The following MROH9 variants were observed in gnomAD, a reference collection of about 807,000 sequenced individuals.
The protein encoded by MROH9 is maestro heat-like repeat-containing protein family member 9.
Under a neutral mutation model 98.2 loss-of-function variants are expected in MROH9, and 92 were observed. That is an observed-to-expected ratio of 0.94 (90% CI 0.79 to 1.11). The LOEUF (loss-of-function observed/expected upper bound fraction) is 1.11, where lower values mean the gene tolerates loss of function less well. Among genes scored for constraint, MROH9 ranks in the 50% most tolerant of loss-of-function variants. MROH9 has a pLI of 0.00. For synonymous variants in MROH9, 397 were observed against 368.9 expected (o/e 1.08, Z -0.87); for missense variants, 1,057 against 1,014.8 (o/e 1.04, Z -0.57).
chr1:170,978,928 G>GT (rs1300355769), intron 8 of MROH9, among the ~76,000 whole-genome samples: 1 of 152,168 alleles, frequency 6.6e-6, no homozygotes. Context: ...TCCCAGGGAG[G>GT]TCTGTCCCAG....
In MROH9 at chr1:170,989,988, C is replaced by G; in HGVS notation, c.1013C>G (p.Pro338Arg). ...KKVIFQLMDY[P>R]VPADDTLIQM... ...GTCATCTTTCAACTTATGGACTACCCAGTTCCAGCAGACGAGTAAGGCCCC... is the reference window on the plus strand; with the variant it reads ...GTCATCTTTCAACTTATGGACTACCGAGTTCCAGCAGACGAGTAAGGCCCC... The change falls in exon 11 of 22, where the codon CCA becomes CGA. Residue 338 changes from proline to arginine, a missense_variant. Transcript: ENST00000367759. The G allele has an allele frequency of 6.2e-7, 1 of 1,611,368 alleles. No homozygotes were observed. The highest frequency in any genetic ancestry group is 8.5e-7 in the Non-Finnish European group (1 of 1,178,208).
intron 8 of MROH9, among the ~76,000 whole-genome samples, chr1:170,981,104 A>G (rs1650912872): frequency 6.6e-6 from 1 of 152,208 alleles, no homozygotes; most frequent in African/African-American, 2.4e-5. Context: ...GATTATTCAA[A>G]AATCAGGAAA....
intron 1 of MROH9, among the ~76,000 whole-genome samples, chr1:170,943,748 G>A (rs1040526139): frequency 7.9e-5 from 12 of 151,828 alleles, no homozygotes; most frequent in African/African-American, 2.4e-4. Context: ...TTATAGCTCA[G>A]GAGTATTATA....
At chr1:171,020,262 T>G (rs1319009410) in intron 17 of MROH9, among the ~76,000 whole-genome samples, 1 of 152,208 alleles carries the variant, frequency 6.6e-6, no homozygotes, top group African/African-American at 2.4e-5. Context: ...TAATTCATTT[T>G]ATGAGTCCAG....
intron 3 of MROH9, among the ~76,000 whole-genome samples, chr1:170,958,055 C>T (rs889964183): frequency 3.3e-5 from 5 of 151,808 alleles, no homozygotes; most frequent in African/African-American, 9.7e-5. Flanking sequence ...GTGGTCCCCC[C>T]GCCTCGGCCT....
chr1:170,936,761 G>A (rs1048192632), intron 1 of MROH9, among the ~76,000 whole-genome samples: 2 of 152,046 alleles, frequency 1.3e-5, no homozygotes, highest in Non-Finnish European at 2.9e-5. Flanking sequence ...AGACCGATGG[G>A]GTTGAGAAGG....
At chr1:170,976,089 C>T (rs1650674403) in intron 8 of MROH9, among the ~76,000 whole-genome samples, 1 of 151,992 alleles carries the variant, frequency 6.6e-6, no homozygotes, top group Non-Finnish European at 1.5e-5. Flanking sequence ...ACCATTGGGT[C>T]TTTGTTTTTT....
At chr1:171,046,193 T>C (rs1653467479) in intron 20 of MROH9, among the ~76,000 whole-genome samples, 1 of 152,162 alleles carries the variant, frequency 6.6e-6, no homozygotes, top group East Asian at 1.9e-4. Context: ...TCTTTATAGG[T>C]GAAATGTGTT....
chr1:170,984,477 T>C (rs1364017130), intron 9 of MROH9, among the ~76,000 whole-genome samples: 1 of 152,230 alleles, frequency 6.6e-6, no homozygotes, highest in Non-Finnish European at 1.5e-5. Flanking sequence ...TGGATGACTA[T>C]GTTCATTTAC....
intron 21 of MROH9, among the ~76,000 whole-genome samples, chr1:171,063,369 C>T (rs1571179610): frequency 6.6e-6 from 1 of 150,690 alleles, no homozygotes; most frequent in East Asian, 2.0e-4. Context: ...TCTCCTGCCT[C>T]AGCCTTCTGA....
At chr1:171,001,223 CTTTG>C (rs1167860305) in intron 15 of MROH9, among the ~76,000 whole-genome samples, 4 of 151,472 alleles carry the variant, frequency 2.6e-5, no homozygotes, top group Admixed American at 6.6e-5. Flanking sequence ...GTACTTTTTT[CTTTG>C]TTTGTTTCAA....
chr1:171,000,722 T>C (rs1172394487), intron 15 of MROH9, among the ~76,000 whole-genome samples: 2 of 152,096 alleles, frequency 1.3e-5, no homozygotes, highest in Non-Finnish European at 2.9e-5. Flanking sequence ...TATCTTTACC[T>C]GGTTTTGGTA....
At chr1:170,998,125 C>A in intron 14 of MROH9, 29 bp from the exon 15 acceptor site, 1 of 1,551,856 alleles carries the variant, frequency 6.4e-7, no homozygotes. Flanking sequence ...TTCTCCTTTG[C>A]TAATTCAGTG....
At chr1:170,952,754 A>AAT (rs370307244) in intron 3 of MROH9, among the ~76,000 whole-genome samples, 13,295 of 149,470 alleles carry the variant, frequency 0.089, 662 homozygotes, top group East Asian at 0.13. Context: ...TATAATAAAA[A>AAT]ATATATATAT....
intron 15 of MROH9, among the ~76,000 whole-genome samples, chr1:171,012,321 A>G (rs547250141): frequency 1.3e-4 from 20 of 151,990 alleles, no homozygotes; most frequent in Non-Finnish European, 2.1e-4. Flanking sequence ...ACCTTCTGAC[A>G]TGGTATCTAA....
At chr1:171,045,925 AT>A (rs1653459037) in intron 20 of MROH9, among the ~76,000 whole-genome samples, 1 of 152,132 alleles carries the variant, frequency 6.6e-6, no homozygotes, top group Non-Finnish European at 1.5e-5. Context: ...ATTGAAGCCC[AT>A]CTCTCTCTTT....
intron 11 of MROH9, among the ~76,000 whole-genome samples, chr1:170,990,947 T>A (rs1009785396): frequency 3.9e-5 from 6 of 152,300 alleles, no homozygotes; most frequent in African/African-American, 1.2e-4. Flanking sequence ...TAGGAAGCTT[T>A]AACTCACAAA....
intron 1 of MROH9, among the ~76,000 whole-genome samples, chr1:170,945,020 A>G (rs1013420218): frequency 3.3e-5 from 5 of 152,122 alleles, no homozygotes; most frequent in Admixed American, 1.3e-4. Flanking sequence ...CCCTAATCAC[A>G]TGAGTCTTTT....
At chr1:170,996,460 T>A in intron 13 of MROH9, 47 bp from the exon 14 acceptor site, 1 of 1,600,964 alleles carries the variant, frequency 6.2e-7, no homozygotes, top group Non-Finnish European at 8.5e-7. Context: ...TTTAGTTTTT[T>A]GAATATCACC....
Sources: gnomAD v4.1 joint callset for allele counts (sites outside exome capture counted in the v4.1 genomes callset) on GRCh38, gnomAD v4.1.1 for gene constraint, MANE v1.5 for transcripts, NCBI Gene and HGNC (gene_info 2026-07-23, HGNC 2026-07-21) for gene names.